Variants in TPTE observed in about 807,000 individuals in gnomAD.
TPTE encodes putative tyrosine-protein phosphatase TPTE.
Under a neutral mutation model 84.1 loss-of-function variants are expected in TPTE, and 59 were observed. That is an observed-to-expected ratio of 0.70 (90% CI 0.57 to 0.87). The LOEUF is 0.87. Among genes scored for constraint, TPTE ranks in the 40% least tolerant of loss-of-function variants. The pLI, the probability that TPTE is intolerant of heterozygous loss-of-function variation, is 0.00. For missense variants in TPTE, 382 were observed against 659.6 expected (o/e 0.58, Z 4.61); for synonymous variants, 130 against 223.5 (o/e 0.58, Z 3.73).
intron 19 of TPTE, among the ~76,000 whole-genome samples, chr21:10,594,417 T>A (rs2075541926): frequency 6.6e-6 from 1 of 152,312 alleles, no homozygotes; most frequent in South Asian, 2.1e-4. Flanking sequence ...GCCCGTGGCT[T>A]ACCCATCTTT....
chr21:10,542,363 CT>C, intron 5 of TPTE, 31 bp from the exon 6 acceptor site: 1 of 1,607,838 alleles, frequency 6.2e-7, no homozygotes, highest in South Asian at 1.1e-5. Context: ...ATTATGTCTC[CT>C]CTCTGACTGT....
chr21:10,527,153 T>TCACACA (rs1316269731), intron 2 of TPTE, among the ~76,000 whole-genome samples: 10 of 149,552 alleles, frequency 6.7e-5, no homozygotes, highest in African/African-American at 2.0e-4. Context: ...TCTCTCTCTC[T>TCACACA]CTCTCACACA....
chr21:10,561,927 G>A (rs1225420906), intron 10 of TPTE, among the ~76,000 whole-genome samples: 1 of 152,310 alleles, frequency 6.6e-6, no homozygotes, highest in African/African-American at 2.4e-5. Context: ...CAGGTCTTGG[G>A]CAAGACCCCG....
chr21:10,546,343 A>G (rs1254171141), intron 7 of TPTE, among the ~76,000 whole-genome samples: 1 of 152,308 alleles, frequency 6.6e-6, no homozygotes, highest in East Asian at 1.9e-4. Context: ...CTGACTAGCC[A>G]TTCCCCCATC....
At chr21:10,562,301 A>C (rs1485419460) in intron 10 of TPTE, among the ~76,000 whole-genome samples, 1 of 151,756 alleles carries the variant, frequency 6.6e-6, no homozygotes. Context: ...AAACTACAAT[A>C]AATACAGTGA....
At chr21:10,575,708 C>T (rs1210163559) in intron 14 of TPTE, among the ~76,000 whole-genome samples, 8 of 152,424 alleles carry the variant, frequency 5.2e-5, no homozygotes, top group African/African-American at 1.9e-4. Context: ...GGTAATATCT[C>T]CTTCAGAGTC....
chr21:10,554,556 G>C (rs2074641510), intron 8 of TPTE, among the ~76,000 whole-genome samples: 1 of 152,300 alleles, frequency 6.6e-6, no homozygotes, highest in Non-Finnish European at 1.5e-5. Flanking sequence ...GGACTGAAAA[G>C]TTAAATCTAT....
chr21:10,592,893 C>G (rs1236540745), intron 19 of TPTE, among the ~76,000 whole-genome samples: 2 of 152,298 alleles, frequency 1.3e-5, no homozygotes, highest in African/African-American at 2.4e-5. Context: ...GGAAAATAAA[C>G]TTTTCAAAAC....
chr21:10,564,885 G>A (rs1305583321), intron 10 of TPTE, among the ~76,000 whole-genome samples: 2 of 152,310 alleles, frequency 1.3e-5, no homozygotes, highest in Non-Finnish European at 2.9e-5. Context: ...CAGACCCACA[G>A]TCATTACCGT....
intron 15 of TPTE, among the ~76,000 whole-genome samples, chr21:10,577,867 C>T (rs1180086573): frequency 6.6e-6 from 1 of 152,310 alleles, no homozygotes; most frequent in Non-Finnish European, 1.5e-5. Context: ...AATGAGTCTT[C>T]TGACCCATCA....
intron 4 of TPTE, among the ~76,000 whole-genome samples, chr21:10,540,444 G>C (rs985402048): frequency 6.6e-6 from 1 of 152,306 alleles, no homozygotes; most frequent in Non-Finnish European, 1.5e-5. Flanking sequence ...TTATGTTAGT[G>C]TTTGTCACAT....
chr21:10,529,083 C>T (rs1401623753), intron 3 of TPTE, among the ~76,000 whole-genome samples: 1 of 152,244 alleles, frequency 6.6e-6, no homozygotes, highest in Non-Finnish European at 1.5e-5. Flanking sequence ...ACTCGGGAGG[C>T]TGAGGCAGAA....
chr21:10,603,513 G>C (rs1568799928), intron 22 of TPTE, 49 bp from the exon 23 acceptor site: 2 of 1,537,308 alleles, frequency 1.3e-6, no homozygotes, highest in African/African-American at 2.7e-5. Flanking sequence ...TCTTTGGAAT[G>C]ATTAGTTCTT....
chr21:10,563,524 G>A (rs1261878802), intron 10 of TPTE, among the ~76,000 whole-genome samples: 1 of 152,284 alleles, frequency 6.6e-6, no homozygotes, highest in African/African-American at 2.4e-5. Flanking sequence ...CTAAGTTGTA[G>A]AGTTTTTATT....
chr21:10,583,284 G>A (rs2075302490), intron 17 of TPTE, among the ~76,000 whole-genome samples: 2 of 152,308 alleles, frequency 1.3e-5, no homozygotes, highest in Non-Finnish European at 2.9e-5. Flanking sequence ...GGGTGTTTGT[G>A]TGATGGCATC....
At chr21:10,596,709 C>G (rs1284196871) in intron 20 of TPTE, among the ~76,000 whole-genome samples, 1 of 152,306 alleles carries the variant, frequency 6.6e-6, no homozygotes, top group Non-Finnish European at 1.5e-5. Flanking sequence ...ACCCCTAAAG[C>G]AAACCTCTTC....
intron 17 of TPTE, among the ~76,000 whole-genome samples, chr21:10,584,222 T>C (rs2075321031): frequency 6.6e-6 from 1 of 152,312 alleles, no homozygotes; most frequent in African/African-American, 2.4e-5. Context: ...AGATTTTTTT[T>C]GTGGTTATTT....
At chr21:10,533,370 G>A (rs2074211725) in intron 3 of TPTE, among the ~76,000 whole-genome samples, 1 of 152,300 alleles carries the variant, frequency 6.6e-6, no homozygotes, top group African/African-American at 2.4e-5. Context: ...AAGAATATTT[G>A]TCATGCTTAC....
intron 18 of TPTE, among the ~76,000 whole-genome samples, chr21:10,591,132 A>G (rs1270447061): frequency 1.3e-5 from 2 of 152,312 alleles, no homozygotes; most frequent in Non-Finnish European, 2.9e-5. Context: ...CCTCTCCTGA[A>G]TGTAAATATC....
Sources: gnomAD v4.1 joint callset for allele counts (sites outside exome capture counted in the v4.1 genomes callset) on GRCh38, gnomAD v4.1.1 for gene constraint, MANE v1.5 for transcripts, NCBI Gene and HGNC (gene_info 2026-07-23, HGNC 2026-07-21) for gene names.